STAG2: variants seen among roughly 807,000 people sequenced by gnomAD.
STAG2 encodes STAG2 cohesin complex component.
A neutral mutation model predicts 108.1 loss-of-function variants in STAG2; 14 were observed. The ratio of observed to expected loss-of-function variants is 0.13; its 90% CI spans 0.09 to 0.20. The LOEUF is 0.20. Among genes scored for constraint, STAG2 ranks in the 10% least tolerant of loss-of-function variants. STAG2 has a pLI of 1.00. For synonymous variants in STAG2, 307 were observed against 302.7 expected (o/e 1.01, Z -0.15); for missense variants, 440 against 940.9 (o/e 0.47, Z 6.96).
At chrX:124,011,224 C>T (rs986493929) in intron 1 of STAG2, among the ~76,000 whole-genome samples, 10 of 111,623 alleles carry the variant, frequency 9.0e-5, no homozygotes, top group African/African-American at 1.3e-4. Flanking sequence ...TAATATCCTG[C>T]GACTTTATTG....
intron 1 of STAG2, among the ~76,000 whole-genome samples, chrX:124,002,284 A>G (rs770518669): frequency 7.2e-5 from 8 of 111,731 alleles, no homozygotes; most frequent in Non-Finnish European, 1.5e-4. Flanking sequence ...CTTTCTGTCA[A>G]GGTAGATTAG....
intron 25 of STAG2, among the ~76,000 whole-genome samples, chrX:124,071,570 A>G (rs1316831653): frequency 9.0e-6 from 1 of 111,485 alleles, no homozygotes; most frequent in Non-Finnish European, 1.9e-5. Flanking sequence ...CTAATTTCTA[A>G]CTACCTCATA....
chrX:124,017,735 T>C (rs1051711629), intron 1 of STAG2, among the ~76,000 whole-genome samples: 6 of 111,491 alleles, frequency 5.4e-5, no homozygotes, highest in Admixed American at 4.8e-4. Flanking sequence ...TGACAGGTGT[T>C]TCTTGTTATT....
At chrX:123,971,385 G>A (rs1602629203) in intron 1 of STAG2, among the ~76,000 whole-genome samples, 4 of 112,093 alleles carry the variant, frequency 3.6e-5, no homozygotes, top group Admixed American at 2.8e-4. Context: ...CTGAGATTGC[G>A]TCACTGCACT....
At chrX:124,099,963 T>C (rs1254954875) in intron 34 of STAG2, among the ~76,000 whole-genome samples, 1 of 111,816 alleles carries the variant, frequency 8.9e-6, no homozygotes, top group Non-Finnish European at 1.9e-5. Flanking sequence ...AGTTGGAGTA[T>C]ATAGAAAGCA....
At chrX:124,037,030 C>A in intron 5 of STAG2, among the ~76,000 whole-genome samples, 1 of 110,143 alleles carries the variant, frequency 9.1e-6, no homozygotes, top group South Asian at 3.9e-4. Flanking sequence ...GGATTACAGG[C>A]GTGCACCACC....
chrX:123,961,916 C>T (rs1011491979), intron 1 of STAG2, 60 bp downstream of exon 1: 12 of 112,619 alleles, frequency 1.1e-4, no homozygotes, highest in African/African-American at 3.9e-4. Context: ...TGTTGGCCCC[C>T]GCGCGCAGAC....
intron 1 of STAG2, among the ~76,000 whole-genome samples, chrX:124,006,461 G>T (rs1465457280): frequency 1.0e-5 from 1 of 99,852 alleles, no homozygotes; most frequent in Non-Finnish European, 2.0e-5. Context: ...TTTTTTGAGA[G>T]GGAGTCTCGC....
chrX:124,031,723 TTTATTA>T (rs1176612289), intron 5 of STAG2, among the ~76,000 whole-genome samples: 3 of 80,934 alleles, frequency 3.7e-5, no homozygotes, highest in South Asian at 6.1e-4. Flanking sequence ...CAGCCCATTA[TTTATTA>T]TTATTATTAT....
intron 1 of STAG2, among the ~76,000 whole-genome samples, chrX:124,014,899 G>A (rs1213956177): frequency 1.9e-5 from 2 of 107,359 alleles, no homozygotes; most frequent in East Asian, 5.9e-4. Context: ...TAATGTGAGT[G>A]TGTTGTCAAG....
In STAG2 at chrX:124,051,113, T is replaced by TC; in HGVS notation, c.1018-8_1018-7insC. On this transcript the variant is annotated splice_region_variant and splice_polypyrimidine_tract_variant and intron_variant, in intron 11 of 34. Transcript: ENST00000371145. Reference sequence around the variant, plus strand: ...CATTGTCTCATCTTTTTTTTTTTTTTTTTTTAGCAAGGTGAAGTAAGACTC... The same window carrying TC: ...CATTGTCTCATCTTTTTTTTTTTTTTCTTTTTAGCAAGGTGAAGTAAGACTC... 1.1e-6 allele frequency: 1 copy of TC among 925,198 alleles called. No homozygotes were observed. Among genetic ancestry groups the TC allele is most frequent in the Non-Finnish European group, 1.4e-6 (1 of 696,780 alleles). 76.2% of individuals were successfully genotyped at this position (925,198 alleles called of 1,213,427 possible).
At chrX:124,093,467 T>C (rs1052177128) in intron 32 of STAG2, among the ~76,000 whole-genome samples, 1 of 103,475 alleles carries the variant, frequency 9.7e-6, no homozygotes, top group African/African-American at 3.5e-5. Flanking sequence ...CTTAGTCTTA[T>C]TCATCTTTTT....
At chrX:124,048,788 A>G (rs1486582309) in intron 9 of STAG2, among the ~76,000 whole-genome samples, 2 of 111,974 alleles carry the variant, frequency 1.8e-5, no homozygotes, top group African/African-American at 6.5e-5. Flanking sequence ...TACTAGCTAA[A>G]TATTAAAATC....
intron 15 of STAG2, among the ~76,000 whole-genome samples, chrX:124,059,153 C>A (rs1017181694): frequency 1.8e-5 from 2 of 111,576 alleles, no homozygotes; most frequent in African/African-American, 6.5e-5. Context: ...CCCGTCTCTA[C>A]TAAAAATACA....
intron 1 of STAG2, among the ~76,000 whole-genome samples, chrX:124,005,887 C>T (rs746559997): frequency 9.0e-6 from 1 of 111,690 alleles, no homozygotes; most frequent in Non-Finnish European, 1.9e-5. Flanking sequence ...CTGTCCCCCT[C>T]TCTTAGCTTC....
At chrX:124,007,811 A>G (rs1043405100) in intron 1 of STAG2, among the ~76,000 whole-genome samples, 3 of 112,314 alleles carry the variant, frequency 2.7e-5, no homozygotes, top group Non-Finnish European at 3.8e-5. Flanking sequence ...GAAGACTTTC[A>G]GAGTTGTGTT....
At chrX:124,086,795 A>G in intron 30 of STAG2, 25 bp downstream of exon 30, 1 of 1,067,462 alleles carries the variant, frequency 9.4e-7, no homozygotes, top group Non-Finnish European at 1.3e-6. Context: ...TATTCTCTTT[A>G]TATTTATCCC....
At chrX:124,056,455 TG>T (rs780786386) in intron 14 of STAG2, among the ~76,000 whole-genome samples, 32 of 110,771 alleles carry the variant, frequency 2.9e-4, no homozygotes, top group South Asian at 7.6e-4. Context: ...AAATGTAGGC[TG>T]GGCGCAGTGG....
chrX:124,061,881 C>A lies in STAG2; in HGVS notation c.1638+7C>A, dbSNP rs368464060. ...AAGAGGGACAGGAAAAAGGGTATGC[C>A]AATCAATGTCTTTTCAATATTCTAA... On this transcript the variant is annotated splice_region_variant and intron_variant, in intron 17 of 34. Coordinates refer to ENST00000371145, the MANE Select transcript of STAG2 (RefSeq NM_001042750.2). 1.2e-5 allele frequency: 13 copies of A among 1,117,169 alleles called. No homozygotes were observed. Among genetic ancestry groups the A allele is most frequent in the Non-Finnish European group, 1.6e-5 (13 of 829,401 alleles). 92.1% of individuals were successfully genotyped at this position (1,117,169 alleles called of 1,213,427 possible). A position where few individuals can be genotyped will look rare whatever the true frequency, so the allele number is the denominator to read the frequency against.
Sources: allele counts gnomAD v4.1 joint callset (sites outside exome capture counted in the v4.1 genomes callset), GRCh38; gene constraint gnomAD v4.1.1; transcripts MANE v1.5; gene names NCBI Gene and HGNC (gene_info 2026-07-23, HGNC 2026-07-21).